ACADL: variants seen among roughly 807,000 people sequenced by gnomAD.
The protein encoded by ACADL is acyl-CoA dehydrogenase long chain.
ACADL carries 60 observed loss-of-function variants against 56.9 expected under a neutral mutation model. The ratio of observed to expected loss-of-function variants is 1.05; its 90% CI spans 0.86 to 1.31. The LOEUF is 1.31. Among genes scored for constraint, ACADL ranks in the 50% most tolerant of loss-of-function variants. The pLI is 0.00. For synonymous variants in ACADL, 158 were observed against 179.7 expected (o/e 0.88, Z 0.97); for missense variants, 484 against 525.5 (o/e 0.92, Z 0.77).
chr2:210,212,161 T>C (rs1445204953), intron 4 of ACADL, among the ~76,000 whole-genome samples: 2 of 151,582 alleles, frequency 1.3e-5, no homozygotes, highest in African/African-American at 4.9e-5. Flanking sequence ...AATCACTCTC[T>C]GTATTAGGCT....
chr2:210,225,046 A>G, intron 1 of ACADL, 141 bp downstream of exon 1: 1 of 1,481,258 alleles, frequency 6.8e-7, no homozygotes, highest in Non-Finnish European at 8.9e-7. Context: ...AAAGGAGGCC[A>G]GCTCTAGCCC....
chr2:210,210,506 G>C (rs1021453526), intron 4 of ACADL, among the ~76,000 whole-genome samples: 65 of 152,336 alleles, frequency 4.3e-4, no homozygotes, highest in African/African-American at 1.5e-3. Context: ...TTATACAGTA[G>C]TATAACAAAG....
intron 1 of ACADL, among the ~76,000 whole-genome samples, chr2:210,221,290 C>T (rs970029714): frequency 6.6e-5 from 10 of 152,158 alleles, no homozygotes; most frequent in African/African-American, 2.4e-4. Context: ...GTAATCGCCA[C>T]ATTACAAAGC....
chr2:210,217,815 G>A (rs72990900), intron 3 of ACADL, 150 bp downstream of exon 3: 73,056 of 987,976 alleles, frequency 0.074, 3,394 homozygotes, highest in Non-Finnish European at 0.093. Context: ...AAGAGTGCAT[G>A]AGCGGTATAA....
chr2:210,199,008 A>G (rs897401229), intron 8 of ACADL, among the ~76,000 whole-genome samples: 1 of 152,142 alleles, frequency 6.6e-6, no homozygotes, highest in Non-Finnish European at 1.5e-5. Flanking sequence ...AGAAAGCCCC[A>G]AAATGTCCAA....
chr2:210,189,050 A>G lies in ACADL; in HGVS notation c.1204T>C (p.Tyr402His). 1.2e-6 allele frequency: 2 copies of G among 1,607,128 alleles called. No homozygotes were observed. The highest frequency in any genetic ancestry group is 1.7e-6 in the Non-Finnish European group (2 of 1,173,748). The change falls in exon 11 of 11, where the codon TAT becomes CAT. Residue 402 changes from tyrosine (Y) to histidine (H), a missense_variant. Tyr to His is a moderately conservative substitution (Grantham distance 83). Coordinates refer to ENST00000233710, the MANE Select transcript of ACADL (RefSeq NM_001608.4). ...ATTGGCTGAACTCTGGCATCCACATAAGCTCTGGATAAATCAGATGATTGA... is the reference window on the plus strand; with the variant it reads ...ATTGGCTGAACTCTGGCATCCACATGAGCTCTGGATAAATCAGATGATTGA... ...YMWEYPIAKA[Y>H]VDARVQPIYG...
chr2:210,217,466 G>T (rs1689105033), intron 3 of ACADL: 1 of 154,906 alleles, frequency 6.5e-6, no homozygotes, highest in African/African-American at 2.4e-5. Flanking sequence ...TGCTCAAAAT[G>T]ATACTTCCAG....
chr2:210,194,608 T>G (rs1281400403), intron 9 of ACADL, among the ~76,000 whole-genome samples: 2 of 152,216 alleles, frequency 1.3e-5, no homozygotes, highest in Admixed American at 1.3e-4. Flanking sequence ...ATAGGATTTT[T>G]ATTCTCCTTT....
At chr2:210,192,518 A>C (rs1688650341) in intron 10 of ACADL, among the ~76,000 whole-genome samples, 1 of 152,070 alleles carries the variant, frequency 6.6e-6, no homozygotes, top group Non-Finnish European at 1.5e-5. Context: ...AAAATTAAAA[A>C]ATTTTTGAAA....
rs756548687 is a variant in ACADL at position 210,210,213 on chromosome 2, T to C, written c.586A>G (p.Ile196Val). ...TNAKKDGSDW[I>V]LNGSKVFISN... The stretch of plus-strand genomic sequence containing the variant: ...TTACACACCTTGCTTCCATTGAGAA[T>C]CCAGTCACTTCCATCCTTTTTAGCA... Residue 196 changes from isoleucine (I) to valine (V), a missense_variant, in exon 5 of 11, where the codon ATT (isoleucine) becomes GTT (valine). By Grantham distance (29) the Ile-to-Val change is conservative. Coordinates refer to ENST00000233710, the MANE Select transcript of ACADL (RefSeq NM_001608.4). 1 of 1,612,708 alleles carries C rather than the reference T, an allele frequency of 6.2e-7. No homozygotes were observed. The highest frequency in any genetic ancestry group is 1.1e-5 in the South Asian group (1 of 91,042).
intron 8 of ACADL, 100 bp from the exon 9 acceptor site, chr2:210,195,438 G>A: frequency 7.7e-7 from 1 of 1,300,026 alleles, no homozygotes; most frequent in Non-Finnish European, 1.1e-6. Flanking sequence ...AGATCTTTAG[G>A]GCAAACAAAA....
chr2:210,216,579 A>G (rs982987305), intron 3 of ACADL, 68 bp from the exon 4 acceptor site: 1 of 1,413,136 alleles, frequency 7.1e-7, no homozygotes, highest in Non-Finnish European at 9.8e-7. Flanking sequence ...TATAACAACA[A>G]TGTATTAAGG....
Position 210,188,932 on chromosome 2 carries a change from T to TAA in ACADL, c.*27_*28dup, listed in dbSNP as rs745700699. Reference sequence around the variant, plus strand: ...AGCAGATTTAAAACGAGATTAGCTGTAATAGGACTCCAGGATGTGGGCAGA... The same window carrying TAA: ...AGCAGATTTAAAACGAGATTAGCTGTAAAATAGGACTCCAGGATGTGGGCAGA... On this transcript the variant is annotated 3_prime_UTR_variant, in exon 11 of 11. Coordinates refer to ENST00000233710, the MANE Select transcript of ACADL (RefSeq NM_001608.4). 6.6e-7 allele frequency: 1 copy of TAA among 1,505,634 alleles called. No individual in the cohort carries two copies. The highest frequency in any genetic ancestry group is 9.2e-7 in the Non-Finnish European group (1 of 1,081,292). 93.3% of individuals were successfully genotyped at this position (1,505,634 alleles called of 1,614,324 possible). A position where few individuals can be genotyped will look rare whatever the true frequency, so the allele number is the denominator to read the frequency against.
chr2:210,199,962 C>G (rs1509567), intron 8 of ACADL, among the ~76,000 whole-genome samples: 57,904 of 151,992 alleles, frequency 0.38, 13,117 homozygotes, highest in Middle Eastern at 0.56. Context: ...CCAGGTTGGT[C>G]TCAAAGTCCT....
intron 9 of ACADL, 143 bp downstream of exon 9, chr2:210,195,068 A>T (rs1688685441): frequency 9.3e-7 from 1 of 1,069,804 alleles, no homozygotes; most frequent in Non-Finnish European, 1.4e-6. Flanking sequence ...ACTTTTTAGC[A>T]TTTTTTTTTA....
chr2:210,191,183 G>A (rs1688627850), intron 10 of ACADL, among the ~76,000 whole-genome samples: 1 of 152,104 alleles, frequency 6.6e-6, no homozygotes, highest in African/African-American at 2.4e-5. Flanking sequence ...AAAGTGCTGG[G>A]ATTACAGGAG....
chr2:210,189,405 G>A (rs967518727), intron 10 of ACADL, among the ~76,000 whole-genome samples: 6 of 151,970 alleles, frequency 3.9e-5, no homozygotes, highest in African/African-American at 1.4e-4. Flanking sequence ...GGATGTCTTA[G>A]TTTCTTTTTA....
intron 5 of ACADL, chr2:210,209,888 T>C (rs1688949885): frequency 7.3e-6 from 2 of 274,086 alleles, no homozygotes; most frequent in Non-Finnish European, 1.4e-5. Context: ...TTAAGTATTA[T>C]TAATATTTGT....
At chr2:210,211,570 T>C (rs1688980014) in intron 4 of ACADL, among the ~76,000 whole-genome samples, 2 of 152,116 alleles carry the variant, frequency 1.3e-5, no homozygotes, top group African/African-American at 4.8e-5. Context: ...TTTGGTTGTT[T>C]AAAAGTGTGT....
Sources: allele counts gnomAD v4.1 joint callset (sites outside exome capture counted in the v4.1 genomes callset), GRCh38; gene constraint gnomAD v4.1.1; transcripts MANE v1.5; gene names NCBI Gene and HGNC (gene_info 2026-07-23, HGNC 2026-07-21).